Variants in SLC27A2 observed in about 807,000 individuals in gnomAD.
The protein encoded by SLC27A2 is solute carrier family 27 member 2.
A neutral mutation model predicts 60.0 loss-of-function variants in SLC27A2; 54 were observed. That is an observed-to-expected ratio of 0.90 (90% CI 0.72 to 1.13). SLC27A2 has a LOEUF of 1.13. Among genes scored for constraint, SLC27A2 ranks in the 50% most tolerant of loss-of-function variants. The pLI is 0.00. For synonymous variants in SLC27A2, 297 were observed against 297.6 expected, an observed-to-expected ratio of 1.00 and a Z score of 0.02; for missense variants, 739 against 777.6, an observed-to-expected ratio of 0.95 and a Z score of 0.59.
At chr15:50,212,160 A>C (rs1407459516) in intron 4 of SLC27A2, among the ~76,000 whole-genome samples, 1 of 151,962 alleles carries the variant, frequency 6.6e-6, no homozygotes, top group Non-Finnish European at 1.5e-5. Flanking sequence ...AATGCTCTGG[A>C]AAGTCTCAGC....
At chr15:50,184,237 C>T (rs1476371816) in intron 1 of SLC27A2, among the ~76,000 whole-genome samples, 1 of 151,958 alleles carries the variant, frequency 6.6e-6, no homozygotes, top group Non-Finnish European at 1.5e-5. Flanking sequence ...AAGCGATCCA[C>T]CCACCTTGGC....
At chr15:50,230,098 G>A (rs2045306845) in intron 8 of SLC27A2, among the ~76,000 whole-genome samples, 1 of 151,962 alleles carries the variant, frequency 6.6e-6, no homozygotes. Flanking sequence ...GCTGGGTGTG[G>A]TGGCACGTGC....
At chr15:50,209,370 G>A (rs994710624) in intron 4 of SLC27A2, among the ~76,000 whole-genome samples, 2 of 152,154 alleles carry the variant, frequency 1.3e-5, no homozygotes, top group African/African-American at 4.8e-5. Context: ...AAAAGAAAGA[G>A]GGAAGGGGAG....
intron 4 of SLC27A2, among the ~76,000 whole-genome samples, chr15:50,209,742 C>G (rs1322749269): frequency 6.6e-6 from 1 of 152,102 alleles, no homozygotes; most frequent in East Asian, 1.9e-4. Flanking sequence ...GGAGCCTTGT[C>G]CAGGCAGAAG....
At chr15:50,208,613 C>T (rs2045131687) in intron 4 of SLC27A2, among the ~76,000 whole-genome samples, 1 of 152,168 alleles carries the variant, frequency 6.6e-6, no homozygotes, top group Non-Finnish European at 1.5e-5. Context: ...GTACCCCATA[C>T]ATATTTGTTG....
At chr15:50,182,950 C>T (rs1407762598) in intron 1 of SLC27A2, 45 bp downstream of exon 1, 3 of 1,542,656 alleles carry the variant, frequency 1.9e-6, no homozygotes, top group African/African-American at 2.7e-5. Context: ...GGCTTCTCGG[C>T]GCCTTGACTG....
At chr15:50,231,869 C>T (rs766329963) in intron 8 of SLC27A2, among the ~76,000 whole-genome samples, 2 of 152,144 alleles carry the variant, frequency 1.3e-5, no homozygotes, top group East Asian at 3.8e-4. Context: ...CTGAGAACTC[C>T]CCTGTAACCA....
Position 50,226,280 on chromosome 15 carries a change from G to A in SLC27A2, c.1258+202G>A, listed in dbSNP as rs1595692187. Reference sequence around the variant, plus strand: ...TAACATAATTCTAGTTTTAAACATAGCTTAACAACTTCTTGCTTATGAGGT... The same window carrying A: ...TAACATAATTCTAGTTTTAAACATAACTTAACAACTTCTTGCTTATGAGGT... On this transcript the variant is annotated intron_variant, in intron 6 of 9. Coordinates refer to ENST00000267842, the MANE Select transcript of SLC27A2 (RefSeq NM_003645.4). 7 of 514,684 alleles carry A rather than the reference G, an allele frequency of 1.4e-5. No individual in the cohort carries two copies. The East Asian group carries it at 1.7e-4, about 13-fold the overall frequency. The allele number at this position is 514,684 out of a possible 1,614,324, so 31.9% of individuals were successfully genotyped here.
At chr15:50,235,235 G>T (rs991891275) in intron 9 of SLC27A2, among the ~76,000 whole-genome samples, 3 of 152,112 alleles carry the variant, frequency 2.0e-5, no homozygotes, top group African/African-American at 7.2e-5. Flanking sequence ...ATGGTAAAGT[G>T]GCATGAAAAT....
intron 1 of SLC27A2, among the ~76,000 whole-genome samples, chr15:50,183,226 ATCTATCTCCAAATTCCAAGC>A (rs2044884596): frequency 6.6e-6 from 1 of 152,184 alleles, no homozygotes; most frequent in Non-Finnish European, 1.5e-5. Context: ...ATGCCCAGCC[ATCTATCTCCAAATTCCAAGC>A]TCTTAATCAA....
rs58819609 is a variant in SLC27A2, at chr15:50,196,077, AATATATATATATATATATATATAT to A, written c.479-1398_479-1375del. ...TCAAAAAAAAAAAAAAAAAAAAAAAAATATATATATATATATATATATATATATATATATATATATATATATATG... is the reference window on the plus strand; with the variant it reads ...TCAAAAAAAAAAAAAAAAAAAAAAAAATATATATATATATATATATATATG... On this transcript the variant is annotated intron_variant, in intron 1 of 9. Coordinates refer to ENST00000267842, the MANE Select transcript of SLC27A2 (RefSeq NM_003645.4). Among the ~76,000 whole-genome samples the A allele has an allele frequency of 7.1e-3, 109 of 15,448 alleles. 16 individuals are homozygous for A. Among genetic ancestry groups the A allele is most frequent in the African/African-American group, 0.027 (105 of 3,914 alleles). The allele number at this position is 15,448 out of a possible 152,430, so 10.1% of individuals were successfully genotyped here. A position where few individuals can be genotyped will look rare whatever the true frequency, so the allele number is the denominator to read the frequency against.
chr15:50,201,656 T>C (rs901988690), intron 2 of SLC27A2, among the ~76,000 whole-genome samples: 3 of 151,858 alleles, frequency 2.0e-5, no homozygotes, highest in South Asian at 2.1e-4. Flanking sequence ...CCCAGGTTCA[T>C]GCCATTCTCC....
At position 50,228,761 on chromosome 15, in the gene SLC27A2, C is replaced by G. The variant is rs190907039; in HGVS notation, c.1458-184C>G. Among the ~76,000 whole-genome samples the G allele has an allele frequency of 1.1e-4, 16 of 152,268 alleles. No homozygotes were observed. The East Asian group carries it at 3.1e-3, about 29-fold the overall frequency. ...CCATATTTTGTTATCTAGGTCTATA[C>G]TTTTCCCTTTTATGCCTCAAACAAG... On this transcript the variant is annotated intron_variant, in intron 7 of 9. Coordinates refer to ENST00000267842, the MANE Select transcript of SLC27A2 (RefSeq NM_003645.4).
chr15:50,203,849 C>A (rs2045086055), intron 3 of SLC27A2, among the ~76,000 whole-genome samples: 1 of 152,090 alleles, frequency 6.6e-6, no homozygotes, highest in Non-Finnish European at 1.5e-5. Flanking sequence ...TGACTCTGTT[C>A]TGTTCCATGT....
At chr15:50,232,983 C>T (rs1595694162) in intron 8 of SLC27A2, among the ~76,000 whole-genome samples, 1 of 152,308 alleles carries the variant, frequency 6.6e-6, no homozygotes, top group East Asian at 1.9e-4. Flanking sequence ...ACTGGACTCC[C>T]GCTGGGTCTG....
intron 1 of SLC27A2, among the ~76,000 whole-genome samples, chr15:50,194,507 G>A (rs2044998739): frequency 6.6e-6 from 1 of 152,120 alleles, no homozygotes; most frequent in Non-Finnish European, 1.5e-5. Context: ...CGGTCCTCCC[G>A]AATAAGGAGA....
chr15:50,236,007 T>A lies in SLC27A2; in HGVS notation c.1774T>A (p.Leu592Met), dbSNP rs185361166. 1 of 1,614,058 alleles carries A rather than the reference T, an allele frequency of 6.2e-7. No individual in the cohort carries two copies. Among genetic ancestry groups the A allele is most frequent in the East Asian group, 2.2e-5 (1 of 44,884 alleles). ...TAACCCTGCTGTCATCAAAGATGCC[T>A]TGTATTTCTTGGATGACACAGCAAA... ...GFNPAVIKDA[L>M]YFLDDTAKMY... The change falls in exon 10 of 10, where the codon TTG (leucine) becomes ATG (methionine). Residue 592 changes from leucine to methionine, a missense_variant. By Grantham distance (15) the Leu-to-Met change is conservative. Transcript: ENST00000267842.
rs2045254498 is a variant in SLC27A2, at chr15:50,223,036, AT to A, written c.1047del (p.Phe349LeufsTer24). ...GCTTACGAGGAGATGTGTGGAGACA[AT>A]TTGTCAAGAGATTTGGGGACATATG... is the stretch of plus-strand genomic sequence containing the variant. ...NGLRGDVWRQ[F>X]VKRFGDICIY... On this transcript the variant is annotated frameshift_variant, in exon 5 of 10. Coordinates refer to ENST00000267842, the MANE Select transcript of SLC27A2 (RefSeq NM_003645.4). LOFTEE classifies it high-confidence loss of function. 6.2e-7 allele frequency: 1 copy of A among 1,613,844 alleles called. No homozygotes were observed. Among genetic ancestry groups the A allele is most frequent in the Non-Finnish European group, 8.5e-7 (1 of 1,179,926 alleles).
intron 4 of SLC27A2, among the ~76,000 whole-genome samples, chr15:50,209,442 C>G (rs1801591568): frequency 6.6e-6 from 1 of 151,996 alleles, no homozygotes; most frequent in African/African-American, 2.4e-5. Flanking sequence ...GTTCTGCAGC[C>G]AGGCAAGAAA....
Sources: allele counts gnomAD v4.1 joint callset (sites outside exome capture counted in the v4.1 genomes callset), GRCh38; gene constraint gnomAD v4.1.1; transcripts MANE v1.5; gene names NCBI Gene and HGNC (gene_info 2026-07-23, HGNC 2026-07-21).